Variants in HCN1 observed in about 807,000 individuals in gnomAD.
HCN1 encodes the protein hyperpolarization activated cyclic nucleotide gated potassium channel 1.
Under a neutral mutation model 78.9 loss-of-function variants are expected in HCN1, and 13 were observed. The observed-to-expected ratio is 0.16, with a 90% confidence interval of 0.11 to 0.26. The LOEUF (loss-of-function observed/expected upper bound fraction) is 0.26, where lower values mean the gene tolerates loss of function less well. HCN1 is among the 10% of genes least tolerant of loss of function. The pLI is 1.00. For missense variants in HCN1, 810 were observed against 1,154.3 expected, an observed-to-expected ratio of 0.70 and a Z score of 4.32; for synonymous variants, 552 against 455.5, an observed-to-expected ratio of 1.21 and a Z score of -2.70.
rs562604206 is a variant in HCN1, at chr5:45,613,793, C to T, written c.849+31392G>A. Among the ~76,000 whole-genome samples the T allele has an allele frequency of 1.7e-3, 258 of 151,958 alleles. 1 individual carries two copies. Among genetic ancestry groups the T allele is most frequent in the African/African-American group, 6.0e-3 (249 of 41,418 alleles). On this transcript the variant is annotated intron_variant, in intron 2 of 7. Coordinates refer to ENST00000303230, the MANE Select transcript of HCN1 (RefSeq NM_021072.4). The stretch of plus-strand genomic sequence containing the variant: ...TGTAATTTTATTTTTATTAAAAATT[C>T]TTCAGTAAAATTAGAAAAAAAAACT...
At chr5:45,285,633 A>G (rs1340726364) in intron 6 of HCN1, among the ~76,000 whole-genome samples, 6 of 152,060 alleles carry the variant, frequency 3.9e-5, no homozygotes, top group Non-Finnish European at 8.8e-5. Flanking sequence ...CAAGATTGTT[A>G]TCTGAAAAAT....
At chr5:45,316,140 T>A (rs1012425304) in intron 5 of HCN1, among the ~76,000 whole-genome samples, 8 of 152,174 alleles carry the variant, frequency 5.3e-5, no homozygotes, top group Non-Finnish European at 1.0e-4. Flanking sequence ...ATATCCCTGA[T>A]GAACATCGAT....
intron 4 of HCN1, among the ~76,000 whole-genome samples, chr5:45,367,595 A>T (rs371237575): frequency 7.9e-5 from 12 of 151,990 alleles, no homozygotes; most frequent in African/African-American, 2.4e-4. Context: ...ATTGATCCAA[A>T]CTTTCTCAAC....
chr5:45,543,493 T>A (rs894788764), intron 2 of HCN1, among the ~76,000 whole-genome samples: 1 of 152,030 alleles, frequency 6.6e-6, no homozygotes, highest in Non-Finnish European at 1.5e-5. Flanking sequence ...TATAATCTTA[T>A]ACCTTGAAAC....
intron 5 of HCN1, among the ~76,000 whole-genome samples, chr5:45,337,664 T>A (rs1277066280): frequency 2.0e-5 from 3 of 152,120 alleles, no homozygotes; most frequent in African/African-American, 4.8e-5. Flanking sequence ...TGAGTTCATA[T>A]AGCAGAACAG....
intron 2 of HCN1, among the ~76,000 whole-genome samples, chr5:45,553,004 T>C (rs1743397494): frequency 6.6e-6 from 1 of 151,974 alleles, no homozygotes; most frequent in African/African-American, 2.4e-5. Flanking sequence ...CATTTTGATA[T>C]GCTGATTACT....
chr5:45,333,627 T>A (rs530259026), intron 5 of HCN1, among the ~76,000 whole-genome samples: 32 of 151,780 alleles, frequency 2.1e-4, no homozygotes, highest in Non-Finnish European at 3.8e-4. Flanking sequence ...ATGCCCTGGA[T>A]TTAAGCCTAT....
chr5:45,450,499 C>A lies in HCN1; in HGVS notation c.1011+11347G>T, dbSNP rs537590254. 1.8e-4 allele frequency among the ~76,000 whole-genome samples: 28 copies of A among 152,160 alleles called. No individual in the cohort carries two copies. The South Asian group carries it at 5.0e-3, about 27-fold the overall frequency. ...AATCTTGGTGATTATATATAAAGTA[C>A]TTTTAAAAAGTGTTTTTGACACTAT... On this transcript the variant is annotated intron_variant, in intron 3 of 7. Coordinates refer to ENST00000303230, the MANE Select transcript of HCN1 (RefSeq NM_021072.4).
intron 2 of HCN1, among the ~76,000 whole-genome samples, chr5:45,622,163 G>A (rs762806398): frequency 6.6e-5 from 10 of 151,808 alleles, no homozygotes; most frequent in Middle Eastern, 3.4e-3. Context: ...CCGAGATCGC[G>A]CCACTGCACT....
At chr5:45,324,164 T>C (rs1746185822) in intron 5 of HCN1, among the ~76,000 whole-genome samples, 1 of 151,932 alleles carries the variant, frequency 6.6e-6, no homozygotes, top group Admixed American at 6.6e-5. Flanking sequence ...TGGGATCTAA[T>C]TAAACTAAAG....
At chr5:45,647,604 G>T (rs1182085539) in intron 1 of HCN1, among the ~76,000 whole-genome samples, 4 of 152,018 alleles carry the variant, frequency 2.6e-5, no homozygotes, top group Non-Finnish European at 4.4e-5. Flanking sequence ...TTTATCTTCA[G>T]TCCATTCCTA....
intron 3 of HCN1, among the ~76,000 whole-genome samples, chr5:45,459,763 A>G (rs1363768691): frequency 6.6e-6 from 1 of 152,132 alleles, no homozygotes. Flanking sequence ...ATAATTTTTT[A>G]CCAAATTAAA....
chr5:45,330,435 A>T (rs1746321975), intron 5 of HCN1, among the ~76,000 whole-genome samples: 1 of 151,036 alleles, frequency 6.6e-6, no homozygotes, highest in Admixed American at 6.6e-5. Flanking sequence ...ATATATACAT[A>T]TGATGTACAT....
intron 2 of HCN1, among the ~76,000 whole-genome samples, chr5:45,535,344 T>C (rs1386168359): frequency 1.3e-5 from 2 of 152,174 alleles, no homozygotes; most frequent in African/African-American, 4.8e-5. Flanking sequence ...ACACCTGTAA[T>C]CCCAGCACTT....
intron 1 of HCN1, among the ~76,000 whole-genome samples, chr5:45,670,068 AT>A (rs1746120090): frequency 6.6e-6 from 1 of 151,734 alleles, no homozygotes; most frequent in African/African-American, 2.4e-5. Flanking sequence ...AAAAATAAAT[AT>A]GAAGAGTAAA....
At chr5:45,377,302 T>C (rs1435913334) in intron 4 of HCN1, among the ~76,000 whole-genome samples, 2 of 152,032 alleles carry the variant, frequency 1.3e-5, no homozygotes, top group Non-Finnish European at 2.9e-5. Flanking sequence ...AGATACTTAA[T>C]AAAATTTCAC....
intron 4 of HCN1, among the ~76,000 whole-genome samples, chr5:45,357,367 CT>C (rs1300213952): frequency 6.6e-6 from 1 of 151,926 alleles, no homozygotes; most frequent in Non-Finnish European, 1.5e-5. Context: ...TGATTTGTTT[CT>C]TATCTTTATT....
chr5:45,518,722 C>G (rs997002518), intron 2 of HCN1, among the ~76,000 whole-genome samples: 19 of 151,874 alleles, frequency 1.3e-4, no homozygotes, highest in Non-Finnish European at 2.4e-4. Flanking sequence ...CAGAAAACAA[C>G]AGAAAGAATA....
intron 2 of HCN1, among the ~76,000 whole-genome samples, chr5:45,566,773 G>T (rs1416455476): frequency 6.6e-6 from 1 of 152,154 alleles, no homozygotes; most frequent in East Asian, 1.9e-4. Context: ...TCTGCACTCT[G>T]GGACGGGTTC....
Sources: gnomAD v4.1 joint callset for allele counts (sites outside exome capture counted in the v4.1 genomes callset) on GRCh38, gnomAD v4.1.1 for gene constraint, MANE v1.5 for transcripts, NCBI Gene and HGNC (gene_info 2026-07-23, HGNC 2026-07-21) for gene names.